SLCO2B1: variants seen among roughly 807,000 people sequenced by gnomAD.
SLCO2B1 encodes the protein OATP-RP2.
Under a neutral mutation model 67.3 loss-of-function variants are expected in SLCO2B1, and 41 were observed. The ratio of observed to expected loss-of-function variants is 0.61; its 90% confidence interval spans 0.47 to 0.79. The LOEUF (loss-of-function observed/expected upper bound fraction) is 0.79, where lower values mean the gene tolerates loss of function less well. Among genes scored for constraint, SLCO2B1 ranks in the 30% least tolerant of loss-of-function variants. The probability of loss-of-function intolerance (pLI) is 0.00; values close to 1 mark genes in which losing one functional copy is unlikely to be tolerated. For synonymous variants in SLCO2B1, 379 were observed against 381.4 expected (o/e 0.99, Z 0.07); for missense variants, 837 against 920.1 (o/e 0.91, Z 1.17).
chr11:75,161,932 A>G (rs917290522), intron 1 of SLCO2B1, among the ~76,000 whole-genome samples: 4 of 152,062 alleles, frequency 2.6e-5, no homozygotes, highest in Non-Finnish European at 5.9e-5. Context: ...CAACATGCAT[A>G]AGGGAGGCCA....
Position 75,172,704 on chromosome 11 carries a change from T to C in SLCO2B1, c.972+135T>C, listed in dbSNP as rs78549115. On this transcript the variant is annotated intron_variant, in intron 7 of 13. Transcript: ENST00000289575. ...CAGCACTTTGGGAGGCCAAGGCGGT[T>C]GGATCACGAGGTCAGGAGATCGAGA... is the stretch of plus-strand genomic sequence containing the variant. 1.1e-3 allele frequency: 776 copies of C among 728,216 alleles called. 7 individuals carry two copies. The African/African-American group carries it at 0.012, about 12-fold the overall frequency. The allele number at this position is 728,216 out of a possible 1,614,324, so 45.1% of individuals were successfully genotyped here.
chr11:75,168,895 G>A lies in SLCO2B1; in HGVS notation c.449-278G>A, dbSNP rs1237509974. 3.3e-5 allele frequency among the ~76,000 whole-genome samples: 5 copies of A among 152,294 alleles called. No homozygotes were observed. The South Asian group carries it at 6.2e-4, about 19-fold the overall frequency. On this transcript the variant is annotated intron_variant, in intron 4 of 13. Transcript: ENST00000289575. Reference sequence around the variant, plus strand: ...CACCGTTGCTATGGCACTTGCAAATGCCTCAGCTCAGAAAGGTGGTGTAGG... The same window carrying A: ...CACCGTTGCTATGGCACTTGCAAATACCTCAGCTCAGAAAGGTGGTGTAGG...
In SLCO2B1 at chr11:75,193,208, G is replaced by A. The variant is rs35039813; in HGVS notation, c.1076-10G>A. 1,045 of 1,595,474 alleles carry A rather than the reference G, an allele frequency of 6.5e-4. No individual in the cohort carries two copies. Among genetic ancestry groups the A allele is most frequent in the South Asian group, 9.1e-4 (81 of 88,772 alleles). On this transcript the variant is annotated splice_polypyrimidine_tract_variant and intron_variant, in intron 8 of 13. Transcript: ENST00000289575. The surrounding 1 kb of genome is among the most constrained non-coding windows in gnomAD (Gnocchi z 4.2). ...CCTGCCTGCCCTGACCTCTGCACTC[G>A]CCCCCACAGTCTTCCCCAGGGTGCT...
chr11:75,163,503 T>C (rs1949848761), intron 2 of SLCO2B1, among the ~76,000 whole-genome samples: 1 of 151,908 alleles, frequency 6.6e-6, no homozygotes, highest in South Asian at 2.1e-4. Flanking sequence ...ATAGCTTCCC[T>C]GAGAGAGGGG....
rs1194934110 is a variant in SLCO2B1, at chr11:75,179,357, G to A, written c.972+6788G>A. On this transcript the variant is annotated intron_variant, in intron 7 of 13. Coordinates refer to ENST00000289575, the MANE Select transcript of SLCO2B1 (RefSeq NM_007256.5). Reference sequence around the variant, plus strand: ...AGCAATTCTCCTGCCTCAGCCTTCTGAGTAGCTGGGATTACAGGTGCCCGC... The same window carrying A: ...AGCAATTCTCCTGCCTCAGCCTTCTAAGTAGCTGGGATTACAGGTGCCCGC... 2.0e-5 allele frequency among the ~76,000 whole-genome samples: 3 copies of A among 148,808 alleles called. No individual in the cohort carries two copies. The Admixed American group carries it at 2.1e-4, about 10-fold the overall frequency.
Position 75,169,320 on chromosome 11 carries a change from T to C in SLCO2B1, c.596T>C (p.Leu199Pro). ...ATCATGTTCGTGGCACAGACCCTGCTGGGCGTGGGCGGGGTGCCCATTCAG... is the reference window on the plus strand; with the variant it reads ...ATCATGTTCGTGGCACAGACCCTGCCGGGCGTGGGCGGGGTGCCCATTCAG... ...VGIMFVAQTL[L>P]GVGGVPIQPF... Residue 199 changes from leucine (L) to proline (P), a missense_variant, in exon 5 of 14, where the codon CTG (leucine) becomes CCG (proline). Coordinates refer to ENST00000289575, the MANE Select transcript of SLCO2B1 (RefSeq NM_007256.5). 1 of 1,614,148 alleles carries C rather than the reference T, an allele frequency of 6.2e-7. No individual in the cohort carries two copies.
chr11:75,151,454 C>T, intron 1 of SLCO2B1, 57 bp downstream of exon 1: 1 of 1,598,578 alleles, frequency 6.3e-7, no homozygotes, highest in African/African-American at 1.3e-5. Flanking sequence ...GGACATGTTC[C>T]CAGAGAAAAG....
intron 1 of SLCO2B1, 77 bp from the exon 2 acceptor site, chr11:75,162,578 T>C (rs1403170699): frequency 6.7e-7 from 1 of 1,489,228 alleles, no homozygotes; most frequent in South Asian, 1.3e-5. Context: ...GGTTCTGAGG[T>C]CTAGGGCTAT....
At chr11:75,165,683 T>C (rs1057405608) in intron 3 of SLCO2B1, 104 bp from the exon 4 acceptor site, 3 of 1,267,826 alleles carry the variant, frequency 2.4e-6, no homozygotes, top group East Asian at 2.3e-5. Flanking sequence ...ATTCAGTCCA[T>C]TATTCAGATG....
chr11:75,188,405 G>A (rs1043389561), intron 8 of SLCO2B1, among the ~76,000 whole-genome samples, 167 bp downstream of exon 8: 1 of 152,132 alleles, frequency 6.6e-6, no homozygotes, highest in Admixed American at 6.5e-5. Context: ...CTCTCTGCCT[G>A]GACCATCATT....
chr11:75,163,359 TAG>T (rs1238669133), intron 2 of SLCO2B1, among the ~76,000 whole-genome samples: 2 of 152,178 alleles, frequency 1.3e-5, no homozygotes, highest in African/African-American at 4.8e-5. Flanking sequence ...GGAATTCTCT[TAG>T]AGTTTCAGGA....
At chr11:75,167,167 G>T (rs896067599) in intron 4 of SLCO2B1, among the ~76,000 whole-genome samples, 3 of 152,168 alleles carry the variant, frequency 2.0e-5, no homozygotes, top group African/African-American at 7.2e-5. Context: ...TTAGAGAGAA[G>T]GTGGGAGTTG....
chr11:75,157,377 A>C (rs1949757638), intron 1 of SLCO2B1, among the ~76,000 whole-genome samples: 1 of 152,254 alleles, frequency 6.6e-6, no homozygotes, highest in Non-Finnish European at 1.5e-5. Flanking sequence ...ATGTGGGGAT[A>C]GATGGCTTTC....
In SLCO2B1 at chr11:75,193,084, A is replaced by G. The variant is rs915010806; in HGVS notation, c.1076-134A>G. ...AATGGAGTCAAGTGGGATAAAATTG[A>G]TTGCAATAGAATTAAGTGGAATGGG... On this transcript the variant is annotated intron_variant, in intron 8 of 13. Transcript: ENST00000289575. The surrounding 1 kb of genome is among the most constrained non-coding windows in gnomAD (Gnocchi z 4.2). The G allele has an allele frequency of 3.1e-6, 2 of 652,796 alleles. No homozygotes were observed. Among genetic ancestry groups the G allele is most frequent in the Non-Finnish European group, 5.3e-6 (2 of 379,638 alleles). 40.4% of individuals were successfully genotyped at this position (652,796 alleles called of 1,614,324 possible). A position where few individuals can be genotyped will look rare whatever the true frequency, so the allele number is the denominator to read the frequency against.
At chr11:75,179,559 A>G (rs529324060) in intron 7 of SLCO2B1, among the ~76,000 whole-genome samples, 3 of 152,124 alleles carry the variant, frequency 2.0e-5, no homozygotes, top group African/African-American at 7.2e-5. Flanking sequence ...ATTGGCATAC[A>G]ATGTGTAATA....
chr11:75,176,844 G>A (rs1367482318), intron 7 of SLCO2B1, among the ~76,000 whole-genome samples: 1 of 152,204 alleles, frequency 6.6e-6, no homozygotes, highest in African/African-American at 2.4e-5. Context: ...CCTCCACTTT[G>A]CAGGCACAGC....
At chr11:75,164,318 G>A (rs1949860868) in intron 3 of SLCO2B1, among the ~76,000 whole-genome samples, 2 of 152,124 alleles carry the variant, frequency 1.3e-5, no homozygotes, top group South Asian at 4.1e-4. Flanking sequence ...AATGGGTCGG[G>A]TCCTGGAATA....
Position 75,172,417 on chromosome 11 carries a change from G to A in SLCO2B1, c.820G>A (p.Gly274Ser). The A allele has an allele frequency of 1.2e-6, 2 of 1,614,158 alleles. No individual in the cohort carries two copies. Among genetic ancestry groups the A allele is most frequent in the South Asian group, 1.1e-5 (1 of 91,076 alleles). Reference protein sequence around the residue: ...SLTIKDPRWVGAWWLGFLIAA... With the variant: ...SLTIKDPRWVSAWWLGFLIAA... ...GACCATAAAGGACCCCCGATGGGTG[G>A]GTGCCTGGTGGCTGGGTTTCCTCAT... Residue 274 changes from glycine (G) to serine (S), a missense_variant, in exon 7 of 14, where the codon GGT (glycine) becomes AGT (serine). Transcript: ENST00000289575.
intron 7 of SLCO2B1, among the ~76,000 whole-genome samples, chr11:75,175,118 C>T (rs755074080): frequency 6.6e-6 from 1 of 152,154 alleles, no homozygotes; most frequent in Admixed American, 6.5e-5. Context: ...TCTGTCAGCA[C>T]ACTGGGGATG....
Sources: allele counts gnomAD v4.1 joint callset (sites outside exome capture counted in the v4.1 genomes callset), GRCh38; gene constraint gnomAD v4.1.1; non-coding constraint Gnocchi (gnomAD v3.1); transcripts MANE v1.5; gene names NCBI Gene and HGNC (gene_info 2026-07-23, HGNC 2026-07-21).